CYTH1: variants seen among roughly 807,000 people sequenced by gnomAD.
The protein encoded by CYTH1 is cytohesin 1.
CYTH1 carries 18 observed loss-of-function variants against 61.8 expected under a neutral mutation model. The ratio of observed to expected loss-of-function variants is 0.29; its 90% CI spans 0.20 to 0.43. The LOEUF is 0.43. CYTH1 is among the 20% of genes least tolerant of loss of function. The pLI, the probability that CYTH1 is intolerant of heterozygous loss-of-function variation, is 1.00. For synonymous variants in CYTH1, 174 were observed against 184.3 expected, an observed-to-expected ratio of 0.94 and a Z score of 0.45; for missense variants, 336 against 510.5, an observed-to-expected ratio of 0.66 and a Z score of 3.29.
chr17:78,759,575 A>C (rs2093414306), intron 1 of CYTH1, among the ~76,000 whole-genome samples: 1 of 152,208 alleles, frequency 6.6e-6, no homozygotes, highest in Non-Finnish European at 1.5e-5. Context: ...TAAAGGAGTA[A>C]AAACAAAAAT....
At position 78,674,184 on chromosome 17, in the gene CYTH1, T is replaced by A. The variant is rs951993411; in HGVS notation, c.*1907A>T. Reference sequence around the variant, plus strand: ...ACAACTTTCAGTCATTTCTTTATATTTTTGTATTTTGACAAAACTTCTTTT... The same window carrying A: ...ACAACTTTCAGTCATTTCTTTATATATTTGTATTTTGACAAAACTTCTTTT... On this transcript the variant is annotated 3_prime_UTR_variant, in exon 14 of 14. Transcript: ENST00000446868. 2.6e-5 allele frequency: 4 copies of A among 152,688 alleles called. No homozygotes were observed. Among genetic ancestry groups the A allele is most frequent in the African/African-American group, 7.2e-5 (3 of 41,468 alleles). 9.5% of individuals were successfully genotyped at this position (152,688 alleles called of 1,614,324 possible).
chr17:78,681,175 A>C (rs2092758060), intron 11 of CYTH1, 133 bp from the exon 12 acceptor site: 3 of 808,052 alleles, frequency 3.7e-6, no homozygotes, highest in Admixed American at 2.5e-5. Context: ...AGCCTGAGGG[A>C]ACTCCTTACA....
intron 1 of CYTH1, 91 bp downstream of exon 1, chr17:78,782,111 C>T (rs2093521307): frequency 3.5e-6 from 4 of 1,133,148 alleles, no homozygotes; most frequent in African/African-American, 1.6e-5. Context: ...CCCCGGGAAA[C>T]GCCAGCCGCC....
At chr17:78,726,322 G>A (rs1204421716) in intron 1 of CYTH1, among the ~76,000 whole-genome samples, 2 of 152,050 alleles carry the variant, frequency 1.3e-5, no homozygotes, top group Non-Finnish European at 2.9e-5. Flanking sequence ...GATTACAGGC[G>A]TGAGCCACCG....
At chr17:78,691,161 G>A (rs2092881566) in intron 11 of CYTH1, 1 of 152,196 alleles carries the variant, frequency 6.6e-6, no homozygotes, top group South Asian at 2.1e-4. Context: ...GAACTTGCAG[G>A]GCATGAGCTG....
chr17:78,692,553 C>A, intron 10 of CYTH1, 60 bp from the exon 11 acceptor site: 1 of 1,466,610 alleles, frequency 6.8e-7, no homozygotes, highest in Non-Finnish European at 9.5e-7. Flanking sequence ...GCAGGCTCCA[C>A]GACACACACG....
chr17:78,698,232 C>T, intron 9 of CYTH1, 37 bp downstream of exon 9: 1 of 1,551,458 alleles, frequency 6.4e-7, no homozygotes, highest in Non-Finnish European at 8.9e-7. Flanking sequence ...CTTCCTAAGT[C>T]TCAGCTTTAG....
intron 1 of CYTH1, chr17:78,723,994 G>A (rs1020361650): frequency 6.6e-6 from 1 of 152,282 alleles, no homozygotes; most frequent in African/African-American, 2.4e-5. Context: ...GGACACTCCA[G>A]CCTTTTCACC....
chr17:78,743,956 T>C (rs2093350686), intron 1 of CYTH1, among the ~76,000 whole-genome samples: 1 of 152,168 alleles, frequency 6.6e-6, no homozygotes, highest in Admixed American at 6.5e-5. Context: ...TATTTTTGCT[T>C]AGACTAGTTA....
intron 1 of CYTH1, among the ~76,000 whole-genome samples, chr17:78,759,118 T>C (rs1025986530): frequency 8.6e-5 from 13 of 151,814 alleles, no homozygotes; most frequent in African/African-American, 3.1e-4. Context: ...AGAAAGAAAA[T>C]TTCCATAATA....
At chr17:78,709,869 T>C in intron 1 of CYTH1, 137 bp from the exon 2 acceptor site, 1 of 690,060 alleles carries the variant, frequency 1.4e-6, no homozygotes, top group East Asian at 2.7e-5. Flanking sequence ...GTGATAGAAA[T>C]AGTTATGGCT....
At chr17:78,723,761 C>T (rs1255483257) in intron 1 of CYTH1, 1 of 152,404 alleles carries the variant, frequency 6.6e-6, no homozygotes. Context: ...AACCTTACTC[C>T]AGATGCCCTC....
intron 1 of CYTH1, among the ~76,000 whole-genome samples, chr17:78,720,127 C>T (rs1037987038): frequency 6.6e-6 from 1 of 151,832 alleles, no homozygotes; most frequent in Non-Finnish European, 1.5e-5. Flanking sequence ...GGTTTAATGG[C>T]GGGTTTCAGT....
At chr17:78,742,191 G>T (rs544426518) in intron 1 of CYTH1, among the ~76,000 whole-genome samples, 1 of 152,260 alleles carries the variant, frequency 6.6e-6, no homozygotes, top group African/African-American at 2.4e-5. Flanking sequence ...CAAAAGATAC[G>T]AACTACTTTA....
intron 1 of CYTH1, among the ~76,000 whole-genome samples, chr17:78,731,937 G>A (rs2093297245): frequency 6.6e-6 from 1 of 152,156 alleles, no homozygotes; most frequent in African/African-American, 2.4e-5. Context: ...GTCTAGCCCA[G>A]CATCTCTGAT....
chr17:78,676,494 C>T (rs1398009673), intron 13 of CYTH1: 2 of 324,866 alleles, frequency 6.2e-6, no homozygotes, highest in African/African-American at 4.3e-5. Flanking sequence ...AAGACTGGTG[C>T]TTGAGTTTCC....
At chr17:78,706,823 GC>G (rs2093071748) in intron 3 of CYTH1, among the ~76,000 whole-genome samples, 2 of 152,078 alleles carry the variant, frequency 1.3e-5, no homozygotes, top group Non-Finnish European at 2.9e-5. Flanking sequence ...ATGATGTTAA[GC>G]ATTTTTCATG....
chr17:78,747,716 G>A (rs1011084857), intron 1 of CYTH1, among the ~76,000 whole-genome samples: 11 of 152,170 alleles, frequency 7.2e-5, no homozygotes, highest in African/African-American at 2.4e-4. Context: ...TGCAGCATGT[G>A]TCAGAACTTC....
intron 3 of CYTH1, among the ~76,000 whole-genome samples, chr17:78,704,679 A>G (rs950543812): frequency 2.0e-5 from 3 of 152,156 alleles, no homozygotes; most frequent in Non-Finnish European, 4.4e-5. Context: ...TACTACCACA[A>G]CTGGCTACTT....
Sources: gnomAD v4.1 joint callset for allele counts (sites outside exome capture counted in the v4.1 genomes callset) on GRCh38, gnomAD v4.1.1 for gene constraint, MANE v1.5 for transcripts, NCBI Gene and HGNC (gene_info 2026-07-23, HGNC 2026-07-21) for gene names.